Variants in TMTC2 observed in about 807,000 individuals in gnomAD.
The protein encoded by TMTC2 is transmembrane O-mannosyltransferase targeting cadherins 2, also known as protein O-mannosyl-transferase TMTC2.
A neutral mutation model predicts 82.4 loss-of-function variants in TMTC2; 43 were observed. The observed-to-expected ratio is 0.52, with a 90% CI of 0.41 to 0.67. The LOEUF (loss-of-function observed/expected upper bound fraction) is 0.67, where lower values mean the gene tolerates loss of function less well. TMTC2 is among the 30% of genes least tolerant of loss of function. The pLI, the probability that TMTC2 is intolerant of heterozygous loss-of-function variation, is 0.00. For missense variants in TMTC2, 919 were observed against 1,012.4 expected (o/e 0.91, Z 1.25); for synonymous variants, 408 against 381.9 (o/e 1.07, Z -0.80).
At chr12:82,869,276 A>G (rs1872041763) in intron 2 of TMTC2, among the ~76,000 whole-genome samples, 1 of 152,100 alleles carries the variant, frequency 6.6e-6, no homozygotes, top group Admixed American at 6.5e-5. Flanking sequence ...AAGCTACCGA[A>G]TAAGAATTTT....
chr12:82,889,007 G>T (rs142533158), intron 2 of TMTC2, among the ~76,000 whole-genome samples: 1 of 152,036 alleles, frequency 6.6e-6, no homozygotes, highest in African/African-American at 2.4e-5. Context: ...GGCCATGCAC[G>T]GTGGCTCACA....
intron 1 of TMTC2, among the ~76,000 whole-genome samples, chr12:82,770,975 G>T (rs1877271737): frequency 2.0e-5 from 3 of 152,126 alleles, no homozygotes; most frequent in Admixed American, 2.0e-4. Flanking sequence ...TTGGGAGGCT[G>T]AGGTGGGCGG....
intron 11 of TMTC2, among the ~76,000 whole-genome samples, chr12:83,119,819 T>G (rs1303906011): frequency 6.6e-6 from 1 of 152,160 alleles, no homozygotes; most frequent in African/African-American, 2.4e-5. Flanking sequence ...ATGTGGGAGC[T>G]CCAGTGTAAG....
chr12:82,773,288 A>G (rs1047070479), intron 1 of TMTC2, among the ~76,000 whole-genome samples: 6 of 152,126 alleles, frequency 3.9e-5, no homozygotes, highest in Non-Finnish European at 8.8e-5. Context: ...ATTTATTACT[A>G]CTCAACCTAA....
intron 1 of TMTC2, among the ~76,000 whole-genome samples, chr12:82,818,997 C>T (rs1162266835): frequency 6.6e-6 from 1 of 151,870 alleles, no homozygotes; most frequent in African/African-American, 2.4e-5. Context: ...ACTACATTTA[C>T]AGTAGGTACA....
chr12:83,103,940 C>A (rs998881250), intron 11 of TMTC2, among the ~76,000 whole-genome samples: 1 of 152,210 alleles, frequency 6.6e-6, no homozygotes, highest in South Asian at 2.1e-4. Context: ...GAGGTATAGG[C>A]ATTGCGTAAA....
chr12:83,001,834 T>C (rs1236195236), intron 8 of TMTC2, among the ~76,000 whole-genome samples: 2 of 152,072 alleles, frequency 1.3e-5, no homozygotes, highest in Admixed American at 1.3e-4. Context: ...ACCTCAGCCT[T>C]AATTTCATTA....
At chr12:82,903,574 G>C (rs1473919191) in intron 3 of TMTC2, among the ~76,000 whole-genome samples, 1 of 152,022 alleles carries the variant, frequency 6.6e-6, no homozygotes, top group Admixed American at 6.6e-5. Flanking sequence ...ACCACGCCCA[G>C]CTAATTTTTT....
At chr12:82,903,497 C>T (rs1481342195) in intron 3 of TMTC2, among the ~76,000 whole-genome samples, 1 of 152,138 alleles carries the variant, frequency 6.6e-6, no homozygotes, top group Non-Finnish European at 1.5e-5. Context: ...CTGCAAGCGC[C>T]GCCTCCCAGG....
At chr12:82,977,456 G>C (rs947028865) in intron 7 of TMTC2, among the ~76,000 whole-genome samples, 2 of 151,798 alleles carry the variant, frequency 1.3e-5, no homozygotes, top group East Asian at 3.9e-4. Context: ...TAAGGTTGTT[G>C]TAGATAATAA....
In TMTC2 at chr12:82,740,678, C is replaced by G. The variant is rs191774565; in HGVS notation, c.83+53009C>G. 1.9e-4 allele frequency among the ~76,000 whole-genome samples: 29 copies of G among 152,286 alleles called. No individual in the cohort carries two copies. The East Asian group carries it at 3.7e-3, about 19-fold the overall frequency. ...CCTCTGGCTAACAGTTTCCCCTCAG[C>G]CCTTGGTTTTTTGGTTGTCTGTGCC... is the stretch of plus-strand genomic sequence containing the variant. On this transcript the variant is annotated intron_variant, in intron 1 of 11. Transcript: ENST00000321196.
chr12:82,874,688 A>C (rs963786499), intron 2 of TMTC2, among the ~76,000 whole-genome samples: 2 of 152,146 alleles, frequency 1.3e-5, no homozygotes, highest in South Asian at 4.1e-4. Context: ...TTAAACTTAA[A>C]TACAGTTAAT....
At chr12:82,839,874 T>G (rs1472503921) in intron 1 of TMTC2, among the ~76,000 whole-genome samples, 1 of 152,222 alleles carries the variant, frequency 6.6e-6, no homozygotes. Flanking sequence ...CATCCATCTT[T>G]CCAGCTGAGT....
chr12:82,930,425 T>C lies in TMTC2; in HGVS notation c.1484-6T>C. ...CAGTCTGAAAATTTCTTTTTCTTCT[T>C]GGCAGCATGGGGTAACCTTGGAAAT... is the stretch of plus-strand genomic sequence containing the variant. On this transcript the variant is annotated splice_region_variant and splice_polypyrimidine_tract_variant and intron_variant, in intron 3 of 11. Coordinates refer to ENST00000321196, the MANE Select transcript of TMTC2 (RefSeq NM_152588.3). The C allele has an allele frequency of 6.4e-7, 1 of 1,564,420 alleles. No homozygotes were observed. Among genetic ancestry groups the C allele is most frequent in the Non-Finnish European group, 8.7e-7 (1 of 1,146,564 alleles).
chr12:82,999,644 G>A (rs185612674), intron 8 of TMTC2, among the ~76,000 whole-genome samples: 1 of 152,182 alleles, frequency 6.6e-6, no homozygotes, highest in East Asian at 1.9e-4. Flanking sequence ...GAGAGAGAAT[G>A]CTTGTGCAGG....
At chr12:82,844,704 A>G (rs895256020) in intron 1 of TMTC2, among the ~76,000 whole-genome samples, 1 of 151,898 alleles carries the variant, frequency 6.6e-6, no homozygotes, top group Non-Finnish European at 1.5e-5. Context: ...CGGGAGACTG[A>G]GGCAGGAGAA....
intron 11 of TMTC2, among the ~76,000 whole-genome samples, chr12:83,081,841 C>G (rs951155044): frequency 6.6e-6 from 1 of 151,958 alleles, no homozygotes; most frequent in African/African-American, 2.4e-5. Flanking sequence ...GGGTTCGAGA[C>G]CATCCTGGGC....
At chr12:82,706,215 A>G (rs1592861294) in intron 1 of TMTC2, among the ~76,000 whole-genome samples, 1 of 151,650 alleles carries the variant, frequency 6.6e-6, no homozygotes, top group Admixed American at 6.6e-5. Context: ...AGGCTGAGGC[A>G]GGAGAATCGC....
chr12:82,864,232 T>C (rs1871698902), intron 2 of TMTC2, among the ~76,000 whole-genome samples: 1 of 152,104 alleles, frequency 6.6e-6, no homozygotes, highest in African/African-American at 2.4e-5. Context: ...CGGGGCCTTC[T>C]GTGCTATATT....
Sources: allele counts gnomAD v4.1 joint callset (sites outside exome capture counted in the v4.1 genomes callset), GRCh38; gene constraint gnomAD v4.1.1; transcripts MANE v1.5; gene names NCBI Gene and HGNC (gene_info 2026-07-23, HGNC 2026-07-21).